The following ZNF366 variants were observed in gnomAD, a reference collection of about 807,000 sequenced individuals.
ZNF366 encodes zinc finger protein 366.
ZNF366 carries 20 observed loss-of-function variants against 47.2 expected under a neutral mutation model. The observed-to-expected ratio is 0.42, with a 90% CI of 0.30 to 0.62. The LOEUF is 0.62. Among genes scored for constraint, ZNF366 ranks in the 20% least tolerant of loss-of-function variants. ZNF366 has a pLI of 0.16. For missense variants in ZNF366, 987 were observed against 976.3 expected (o/e 1.01, Z -0.15); for synonymous variants, 421 against 395.1 (o/e 1.07, Z -0.78).
chr5:72,496,172 C>T (rs1206495293), intron 1 of ZNF366, among the ~76,000 whole-genome samples: 8 of 151,526 alleles, frequency 5.3e-5, no homozygotes, highest in African/African-American at 2.4e-5. Flanking sequence ...ATATGCAGTG[C>T]GATGTGTTTT....
chr5:72,501,923 A>G (rs189597216), intron 1 of ZNF366, among the ~76,000 whole-genome samples: 25 of 152,360 alleles, frequency 1.6e-4, no homozygotes, highest in Admixed American at 7.8e-4. Flanking sequence ...CACATGTAGC[A>G]GCCCCATGCA....
chr5:72,464,196 G>T lies in ZNF366; in HGVS notation c.-14-2686C>A, dbSNP rs931529964. On this transcript the variant is annotated intron_variant, in intron 1 of 4. Coordinates refer to ENST00000318442, the MANE Select transcript of ZNF366 (RefSeq NM_152625.3). ...AACATGTCAGAACCTGGGCCAAAACGTACTGAGTTTCCTGTGTATTTTATT... is the reference window on the plus strand; with the variant it reads ...AACATGTCAGAACCTGGGCCAAAACTTACTGAGTTTCCTGTGTATTTTATT... 4.6e-5 allele frequency among the ~76,000 whole-genome samples: 7 copies of T among 152,118 alleles called. No individual in the cohort carries two copies. In the South Asian group the frequency reaches 1.5e-3, roughly 32 times the overall value.
chr5:72,491,906 C>T (rs1271858785), intron 1 of ZNF366, among the ~76,000 whole-genome samples: 3 of 152,090 alleles, frequency 2.0e-5, no homozygotes, highest in Admixed American at 2.0e-4. Context: ...GAATATTGGC[C>T]CTGGAGAGCC....
intron 1 of ZNF366, among the ~76,000 whole-genome samples, chr5:72,489,312 T>A (rs1305133615): frequency 2.0e-5 from 3 of 152,240 alleles, no homozygotes; most frequent in African/African-American, 7.2e-5. Context: ...ACAGTTACTC[T>A]GTCAGTCTAG....
At chr5:72,469,292 CTG>C (rs985813170) in intron 1 of ZNF366, among the ~76,000 whole-genome samples, 48 of 151,990 alleles carry the variant, frequency 3.2e-4, no homozygotes, top group Middle Eastern at 6.8e-3. Flanking sequence ...TTACACAACT[CTG>C]TAATTTGTCA....
intron 3 of ZNF366, among the ~76,000 whole-genome samples, chr5:72,451,710 G>A (rs1743074135): frequency 6.6e-6 from 1 of 152,358 alleles, no homozygotes; most frequent in Non-Finnish European, 1.5e-5. Flanking sequence ...TACCCACCAG[G>A]CTACTTGGAG....
chr5:72,478,816 T>A (rs1270510311), intron 1 of ZNF366, among the ~76,000 whole-genome samples: 1 of 152,238 alleles, frequency 6.6e-6, no homozygotes, highest in Non-Finnish European at 1.5e-5. Flanking sequence ...CTTTGTCTAC[T>A]GAATCATTCA....
chr5:72,484,966 G>A (rs958015646), intron 1 of ZNF366, among the ~76,000 whole-genome samples: 1 of 152,142 alleles, frequency 6.6e-6, no homozygotes, highest in African/African-American at 2.4e-5. Flanking sequence ...TTTAAAATGT[G>A]TGTGGCTTGA....
rs1660189496 is a variant in ZNF366, at chr5:72,460,841, G to A, written c.656C>T (p.Pro219Leu). 1 of 1,614,052 alleles carries A rather than the reference G, an allele frequency of 6.2e-7. No homozygotes were observed. The highest frequency in any genetic ancestry group is 8.5e-7 in the Non-Finnish European group (1 of 1,179,984). Reference protein sequence around the residue: ...PEPLLPRKAEPQESEETKQKV... With the variant: ...PEPLLPRKAELQESEETKQKV... ...CTGCTTGGTCTCCTCGCTCTCCTGG[G>A]GCTCGGCTTTCCGGGGCAGCAGAGG... Residue 219 changes from proline (P) to leucine (L), a missense_variant, in exon 2 of 5, where the codon CCC (proline) becomes CTC (leucine). This residue lies in a region of ZNF366 where 591 missense variants were observed against 560.9 expected (regional missense o/e 1.05). Transcript: ENST00000318442.
chr5:72,458,307 C>T (rs987597254), intron 2 of ZNF366, among the ~76,000 whole-genome samples: 1 of 152,154 alleles, frequency 6.6e-6, no homozygotes, highest in East Asian at 1.9e-4. Context: ...TGAGCCACCG[C>T]GCCCGGCCAG....
intron 1 of ZNF366, chr5:72,493,700 A>G (rs1332408244): frequency 1.3e-5 from 2 of 152,178 alleles, no homozygotes; most frequent in Non-Finnish European, 2.9e-5. Flanking sequence ...CACATTACTA[A>G]TAAGTTAGAA....
At chr5:72,472,847 T>C (rs777880538) in intron 1 of ZNF366, among the ~76,000 whole-genome samples, 1 of 152,096 alleles carries the variant, frequency 6.6e-6, no homozygotes, top group Non-Finnish European at 1.5e-5. Flanking sequence ...AAATGAAAAG[T>C]CCAGTCCTAT....
chr5:72,462,547 C>CTTTCTTTCTTTCCTTCTTTCTTTCT (rs11275151), intron 1 of ZNF366, among the ~76,000 whole-genome samples: 5 of 78,916 alleles, frequency 6.3e-5, no homozygotes, highest in Non-Finnish European at 1.1e-4. Context: ...TTCTTTCTTT[C>CTTTCTTTCTTTCCTTCTTTCTTTCT]TTTTTTTTTT....
At chr5:72,456,881 A>T (rs1223406618) in intron 2 of ZNF366, among the ~76,000 whole-genome samples, 1 of 152,162 alleles carries the variant, frequency 6.6e-6, no homozygotes, top group African/African-American at 2.4e-5. Context: ...TTAAGTCTCC[A>T]GTGATAGTTC....
chr5:72,473,997 C>T (rs1171670385), intron 1 of ZNF366, among the ~76,000 whole-genome samples: 2 of 152,240 alleles, frequency 1.3e-5, no homozygotes, highest in African/African-American at 4.8e-5. Flanking sequence ...GTTGTATCTC[C>T]ATCTGGCAAA....
intron 1 of ZNF366, among the ~76,000 whole-genome samples, chr5:72,462,547 C>CTTTCTTTCTTTCTTTCTTTCTTTCTTTCT (rs11275151): frequency 0.036 from 2,810 of 78,538 alleles, 92 homozygotes; most frequent in Middle Eastern, 0.042. Context: ...TTCTTTCTTT[C>CTTTCTTTCTTTCTTTCTTTCTTTCTTTCT]TTTTTTTTTT....
intron 1 of ZNF366, 31 bp from the exon 2 acceptor site, chr5:72,461,541 G>T (rs1351780391): frequency 1.3e-6 from 2 of 1,514,890 alleles, no homozygotes; most frequent in Admixed American, 2.3e-5. Context: ...GTGTGTTTTG[G>T]TTTGGTTTTG....
At position 72,494,143 on chromosome 5, in the gene ZNF366, T is replaced by C. The variant is rs1744068517; in HGVS notation, c.-15+13108A>G. 5 of 152,214 alleles carry C rather than the reference T, an allele frequency of 3.3e-5. 1 individual carries two copies. The South Asian group carries it at 1.0e-3, about 32-fold the overall frequency. 9.4% of individuals were successfully genotyped at this position (152,214 alleles called of 1,614,324 possible). Reference sequence around the variant, plus strand: ...ACGTAACATAACATATACCATAACATATGACTAAATACTAGTCAGTCCAAA... The same window carrying C: ...ACGTAACATAACATATACCATAACACATGACTAAATACTAGTCAGTCCAAA... On this transcript the variant is annotated intron_variant, in intron 1 of 4. Transcript: ENST00000318442.
chr5:72,459,816 C>G (rs1280018247), intron 2 of ZNF366, among the ~76,000 whole-genome samples: 1 of 152,250 alleles, frequency 6.6e-6, no homozygotes, highest in Non-Finnish European at 1.5e-5. Context: ...TGATGACTTA[C>G]TCATGCTAGT....
Sources: allele counts gnomAD v4.1 joint callset (sites outside exome capture counted in the v4.1 genomes callset), GRCh38; gene constraint gnomAD v4.1.1; regional missense constraint gnomAD v4.1.1; transcripts MANE v1.5; gene names NCBI Gene and HGNC (gene_info 2026-07-23, HGNC 2026-07-21).